Variants in DMD observed in about 807,000 individuals in gnomAD.
DMD encodes mutant dystrophin.
In DMD, 63 loss-of-function variants were observed where a neutral mutation model predicts 330.1. That is an observed-to-expected ratio of 0.19 (90% confidence interval 0.16 to 0.24). The LOEUF is 0.24. Among genes scored for constraint, DMD ranks in the 10% least tolerant of loss-of-function variants. The pLI is 1.00. For synonymous variants in DMD, 1,223 were observed against 959.8 expected (o/e 1.27, Z -5.07); for missense variants, 3,344 against 2,684.1 (o/e 1.25, Z -5.43).
At chrX:32,243,574 T>C (rs2097217617) in intron 43 of DMD, among the ~76,000 whole-genome samples, 1 of 111,938 alleles carries the variant, frequency 8.9e-6, no homozygotes, top group African/African-American at 3.2e-5. Flanking sequence ...TATACAGTCA[T>C]TCCATTATAC....
intron 7 of DMD, among the ~76,000 whole-genome samples, chrX:32,746,116 A>G (rs925397548): frequency 8.0e-5 from 9 of 112,276 alleles, no homozygotes; most frequent in Admixed American, 7.6e-4. Flanking sequence ...ACAGGTAATA[A>G]CATGACTTGG....
chrX:31,304,813 T>G (rs1307173649), intron 62 of DMD, among the ~76,000 whole-genome samples: 1 of 110,799 alleles, frequency 9.0e-6, no homozygotes, highest in African/African-American at 3.3e-5. Context: ...AAGAAGGATG[T>G]ATATATTGAT....
intron 54 of DMD, among the ~76,000 whole-genome samples, chrX:31,645,805 C>G (rs1429229298): frequency 2.7e-5 from 3 of 112,058 alleles, no homozygotes; most frequent in African/African-American, 9.7e-5. Flanking sequence ...AATACACATA[C>G]TTTGTTGATT....
intron 44 of DMD, among the ~76,000 whole-genome samples, chrX:32,044,861 G>A (rs2096050180): frequency 8.9e-6 from 1 of 112,101 alleles, no homozygotes; most frequent in East Asian, 2.8e-4. Flanking sequence ...TTATGACAAG[G>A]CAGTGATTTG....
At chrX:32,281,490 T>C (rs958925619) in intron 43 of DMD, among the ~76,000 whole-genome samples, 2 of 111,733 alleles carry the variant, frequency 1.8e-5, no homozygotes, top group African/African-American at 6.5e-5. Flanking sequence ...AGTGTATGGT[T>C]CCATAAACTT....
At position 31,325,263 on chromosome X, in the gene DMD, C is replaced by A. The variant is rs1028254786; in HGVS notation, c.9164-1605G>T. Among the ~76,000 whole-genome samples the A allele has an allele frequency of 9.1e-5, 10 of 109,748 alleles. No homozygotes were observed. The East Asian group carries it at 2.8e-3, about 31-fold the overall frequency. ...TTTTTCTTCTGTAGGATGCAGCTCT[C>A]CTGTCCAAATAAGTTCACAGAGTAA... On this transcript the variant is annotated intron_variant, in intron 61 of 78. Transcript: ENST00000357033.
chrX:31,716,072 C>T (rs775295308), intron 52 of DMD, among the ~76,000 whole-genome samples: 7 of 111,896 alleles, frequency 6.3e-5, no homozygotes, highest in Non-Finnish European at 9.4e-5. Flanking sequence ...ATCAGGGAGG[C>T]GAAACATATA....
chrX:31,481,832 A>T (rs1241011489), intron 57 of DMD, among the ~76,000 whole-genome samples: 2 of 111,517 alleles, frequency 1.8e-5, no homozygotes, highest in East Asian at 5.6e-4. Flanking sequence ...TATGAAGCCC[A>T]TACCTTGGAG....
intron 64 of DMD, among the ~76,000 whole-genome samples, chrX:31,220,894 CGA>C (rs2045945868): frequency 3.9e-5 from 2 of 50,663 alleles, no homozygotes; most frequent in South Asian, 1.4e-3. Context: ...TTTTTTTTTG[CGA>C]TTTTTTTTTT....
At chrX:32,184,337 G>T (rs929689263) in intron 44 of DMD, among the ~76,000 whole-genome samples, 5 of 109,990 alleles carry the variant, frequency 4.5e-5, no homozygotes, top group African/African-American at 1.3e-4. Flanking sequence ...AAGATGGATG[G>T]GTATTTAACA....
rs775892814 is a variant in DMD at position 32,441,295 on chromosome X, T to C, written c.3806A>G (p.His1269Arg). Residue 1269 changes from histidine to arginine, a missense_variant, in exon 28 of 79, where the codon CAT becomes CGT. By Grantham distance (29) the His-to-Arg change is conservative. Transcript: ENST00000357033. ...TTTCTCCAAGTATGACAATAACTCA[T>C]GCCAACATGCCCAAACTTCCTAAGA... ...KTLEEVWACW[H>R]ELLSYLEKAN... 2 of 1,207,512 alleles carry C rather than the reference T, an allele frequency of 1.7e-6. No individual in the cohort carries two copies. Among genetic ancestry groups the C allele is most frequent in the African/African-American group, 3.5e-5 (2 of 57,722 alleles).
chrX:31,372,641 C>T (rs924611891), intron 60 of DMD, among the ~76,000 whole-genome samples: 1 of 111,589 alleles, frequency 9.0e-6, no homozygotes, highest in African/African-American at 3.3e-5. Flanking sequence ...GCTAAAAACT[C>T]TCAATAAATT....
intron 67 of DMD, among the ~76,000 whole-genome samples, chrX:31,201,591 A>C (rs2043478559): frequency 1.8e-5 from 2 of 112,094 alleles, no homozygotes. Context: ...CAGAAATGGA[A>C]TAGGTTGGTC....
chrX:32,743,848 C>A (rs1423883179), intron 7 of DMD, among the ~76,000 whole-genome samples: 5 of 111,380 alleles, frequency 4.5e-5, no homozygotes, highest in Non-Finnish European at 7.5e-5. Context: ...GGTGGTTAGT[C>A]TCTCCAATGT....
chrX:33,018,878 T>G (rs2093857619), intron 2 of DMD, among the ~76,000 whole-genome samples: 1 of 101,891 alleles, frequency 9.8e-6, no homozygotes, highest in South Asian at 4.9e-4. Flanking sequence ...TTGTTATATT[T>G]TATTTCACTT....
intron 59 of DMD, among the ~76,000 whole-genome samples, chrX:31,445,328 C>A (rs2065200560): frequency 9.0e-6 from 1 of 111,216 alleles, no homozygotes; most frequent in South Asian, 3.8e-4. Flanking sequence ...ACAAACAAAC[C>A]TTGCCAAGCT....
intron 26 of DMD, among the ~76,000 whole-genome samples, chrX:32,449,161 TGAGA>T (rs1469587181): frequency 9.0e-6 from 1 of 110,683 alleles, no homozygotes; most frequent in African/African-American, 3.3e-5. Flanking sequence ...TGAAAACACA[TGAGA>T]GAAAGAGAAA....
intron 55 of DMD, among the ~76,000 whole-genome samples, chrX:31,526,121 C>G (rs192439325): frequency 1.8e-5 from 2 of 112,385 alleles, no homozygotes; most frequent in Admixed American, 1.9e-4. Context: ...CTTGAACCAC[C>G]CAAGTGTTTT....
chrX:32,844,004 A>G (rs16990708), intron 4 of DMD, among the ~76,000 whole-genome samples: 2,053 of 112,727 alleles, frequency 0.018, 52 homozygotes, highest in African/African-American at 0.061. Flanking sequence ...ACAGCGTTTA[A>G]TAAGTGTTGG....
Sources: gnomAD v4.1 joint callset for allele counts (sites outside exome capture counted in the v4.1 genomes callset) on GRCh38, gnomAD v4.1.1 for gene constraint, MANE v1.5 for transcripts, NCBI Gene and HGNC (gene_info 2026-07-23, HGNC 2026-07-21) for gene names.